POFUT3: variants seen among roughly 807,000 people sequenced by gnomAD.
POFUT3 encodes the protein GDP-fucose protein O-fucosyltransferase 3.
At chr8:33,312,059 C>T in the POFUT3 span, among the ~76,000 whole-genome samples, 2 of 151,978 alleles carry the variant, frequency 1.3e-5, no homozygotes, top group Non-Finnish European at 2.9e-5. Flanking sequence ...GTTGGGAGTT[C>T]GAGACCAGCC....
At chr8:33,343,112 GAA>G in the POFUT3 span, among the ~76,000 whole-genome samples, 14 of 115,102 alleles carry the variant, frequency 1.2e-4, no homozygotes, top group African/African-American at 3.2e-4. Flanking sequence ...CTCCGTCTAA[GAA>G]AAAAAAAAAA....
At chr8:33,332,180 AGG>A in the POFUT3 span, among the ~76,000 whole-genome samples, 1 of 139,298 alleles carries the variant, frequency 7.2e-6, no homozygotes. Flanking sequence ...GAGGAGGAGG[AGG>A]AAAAAAAAAA....
chr8:33,381,238 C>T, the POFUT3 span, among the ~76,000 whole-genome samples: 1 of 152,294 alleles, frequency 6.6e-6, no homozygotes, highest in South Asian at 2.1e-4. Context: ...AACCTTAAGA[C>T]AGATTGTCTG....
the POFUT3 span, among the ~76,000 whole-genome samples, chr8:33,402,511 T>C: frequency 2.0e-5 from 3 of 152,200 alleles, no homozygotes; most frequent in Non-Finnish European, 4.4e-5. Context: ...CCTCCAAAGT[T>C]AACCATGTCT....
chr8:33,468,953 A>T, the POFUT3 span, among the ~76,000 whole-genome samples: 5 of 152,240 alleles, frequency 3.3e-5, no homozygotes, highest in African/African-American at 1.2e-4. Context: ...TACCACGGAA[A>T]GTTTTTAGAA....
chr8:33,374,863 TTTTTC>T, the POFUT3 span, among the ~76,000 whole-genome samples: 9 of 137,264 alleles, frequency 6.6e-5, no homozygotes, highest in African/African-American at 1.8e-4. Context: ...CATTTTCTTT[TTTTTC>T]TTTTCTTTTC....
the POFUT3 span, chr8:33,461,807 GA>G: frequency 4.1e-6 from 2 of 484,614 alleles, no homozygotes; most frequent in Non-Finnish European, 6.8e-6. Flanking sequence ...AAAAAACATA[GA>G]CATTTTAAAC....
the POFUT3 span, among the ~76,000 whole-genome samples, chr8:33,355,269 A>G: frequency 1.3e-5 from 2 of 152,244 alleles, no homozygotes; most frequent in Non-Finnish European, 2.9e-5. Flanking sequence ...AGGCTCACTT[A>G]TAAGTGCTGA....
chr8:33,471,176 AT>A, the POFUT3 span, among the ~76,000 whole-genome samples: 2 of 152,254 alleles, frequency 1.3e-5, no homozygotes, highest in Non-Finnish European at 2.9e-5. Flanking sequence ...TGAATTAGAT[AT>A]TGAATATCTA....
the POFUT3 span, among the ~76,000 whole-genome samples, chr8:33,360,253 G>C: frequency 6.6e-6 from 1 of 151,906 alleles, no homozygotes; most frequent in South Asian, 2.1e-4. Context: ...GACCATTCTG[G>C]CTAACATGGT....
At chr8:33,317,761 AC>A in the POFUT3 span, among the ~76,000 whole-genome samples, 1 of 151,456 alleles carries the variant, frequency 6.6e-6, no homozygotes, top group Non-Finnish European at 1.5e-5. Context: ...GGGCAAGCAA[AC>A]CCCAGTTTGG....
At chr8:33,444,930 C>CT in the POFUT3 span, among the ~76,000 whole-genome samples, 1 of 90,692 alleles carries the variant, frequency 1.1e-5, no homozygotes. Flanking sequence ...TTATGACCTT[C>CT]ATCTTTTTTT....
chr8:33,430,562 T>G, the POFUT3 span, among the ~76,000 whole-genome samples: 1 of 152,170 alleles, frequency 6.6e-6, no homozygotes, highest in Non-Finnish European at 1.5e-5. Flanking sequence ...TTTACACTTA[T>G]TGCTCACAGA....
At chr8:33,413,763 A>C in the POFUT3 span, among the ~76,000 whole-genome samples, 1 of 152,222 alleles carries the variant, frequency 6.6e-6, no homozygotes, top group South Asian at 2.1e-4. Flanking sequence ...GCCCATCAAA[A>C]TAATATATAT....
At chr8:33,433,869 G>A in the POFUT3 span, among the ~76,000 whole-genome samples, 1 of 151,848 alleles carries the variant, frequency 6.6e-6, no homozygotes, top group African/African-American at 2.4e-5. Flanking sequence ...TTGGGAGGCT[G>A]AAGTGGGAGG....
the POFUT3 span, among the ~76,000 whole-genome samples, chr8:33,455,551 A>G: frequency 6.6e-6 from 1 of 152,232 alleles, no homozygotes; most frequent in African/African-American, 2.4e-5. Flanking sequence ...TGGTATTAAT[A>G]TAATTGATAT....
At chr8:33,472,524 G>C in the POFUT3 span, among the ~76,000 whole-genome samples, 1 of 152,212 alleles carries the variant, frequency 6.6e-6, no homozygotes, top group African/African-American at 2.4e-5. Flanking sequence ...CTTTCCTGGG[G>C]CATTTTCTCC....
the POFUT3 span, among the ~76,000 whole-genome samples, chr8:33,320,909 G>A: frequency 6.6e-6 from 1 of 152,022 alleles, no homozygotes; most frequent in African/African-American, 2.4e-5. Flanking sequence ...GTCACAGGAT[G>A]AGTCCAGATT....
At chr8:33,403,683 C>T in the POFUT3 span, among the ~76,000 whole-genome samples, 1 of 152,104 alleles carries the variant, frequency 6.6e-6, no homozygotes, top group Non-Finnish European at 1.5e-5. Context: ...GACTATACCA[C>T]CGCATCCCAG....
Sources: gnomAD v4.1 joint callset for allele counts (sites outside exome capture counted in the v4.1 genomes callset) on GRCh38, gnomAD v4.1.1 for gene constraint, MANE v1.5 for transcripts, NCBI Gene and HGNC (gene_info 2026-07-23, HGNC 2026-07-21) for gene names.